The following MON2 variants were observed in gnomAD, a reference collection of about 807,000 sequenced individuals.
MON2 encodes the protein protein MON2 homolog.
Under a neutral mutation model 208.6 loss-of-function variants are expected in MON2, and 84 were observed. The ratio of observed to expected loss-of-function variants is 0.40; its 90% CI spans 0.34 to 0.48. The LOEUF (loss-of-function observed/expected upper bound fraction) is 0.48, where lower values mean the gene tolerates loss of function less well. Among genes scored for constraint, MON2 ranks in the 20% least tolerant of loss-of-function variants. MON2 has a pLI of 0.59. For missense variants in MON2, 1,611 were observed against 2,015.4 expected (o/e 0.80, Z 3.84); for synonymous variants, 660 against 694.0 (o/e 0.95, Z 0.77).
At chr12:62,530,781 A>C (rs1326706409) in intron 11 of MON2, among the ~76,000 whole-genome samples, 2 of 152,070 alleles carry the variant, frequency 1.3e-5, no homozygotes, top group Non-Finnish European at 2.9e-5. Flanking sequence ...TTATATGGTC[A>C]CTCTATGTTT....
chr12:62,577,261 C>T (rs971743305), intron 30 of MON2, among the ~76,000 whole-genome samples: 3 of 152,040 alleles, frequency 2.0e-5, no homozygotes, highest in Non-Finnish European at 2.9e-5. Context: ...CTAGTTCCTA[C>T]TACCAATTTA....
chr12:62,558,689 ATTT>A (rs35839265), intron 25 of MON2, among the ~76,000 whole-genome samples: 2 of 138,050 alleles, frequency 1.4e-5, no homozygotes, highest in Admixed American at 7.3e-5. Context: ...TTATACCTCA[ATTT>A]TTTTTTTTTT....
intron 29 of MON2, among the ~76,000 whole-genome samples, chr12:62,566,739 GGGT>G (rs2074398059): frequency 7.4e-6 from 1 of 134,598 alleles, no homozygotes; most frequent in Admixed American, 7.8e-5. Context: ...GCCTGTTGTG[GGGT>G]GGGGGGAGGG....
chr12:62,537,323 A>G (rs1475713541), intron 15 of MON2, 60 bp downstream of exon 15: 12 of 1,225,672 alleles, frequency 9.8e-6, no homozygotes, highest in South Asian at 5.4e-5. Flanking sequence ...TGTTGTACCT[A>G]TCTTTGTGTT....
intron 22 of MON2, 65 bp downstream of exon 22, chr12:62,547,137 T>G: frequency 9.0e-7 from 1 of 1,115,088 alleles, no homozygotes; most frequent in Non-Finnish European, 1.2e-6. Context: ...AAAATAAAAT[T>G]AACATCAAAA....
At chr12:62,537,500 T>C in intron 15 of MON2, 102 bp from the exon 16 acceptor site, 1 of 900,390 alleles carries the variant, frequency 1.1e-6, no homozygotes. Flanking sequence ...TTCTTAATTT[T>C]TTCTTTAAAA....
chr12:62,538,020 C>A, intron 16 of MON2, 76 bp from the exon 17 acceptor site: 3 of 1,342,626 alleles, frequency 2.2e-6, no homozygotes, highest in Non-Finnish European at 3.1e-6. Flanking sequence ...GAAGTTACTA[C>A]TGATTTTAAT....
chr12:62,573,650 C>T (rs7302094), intron 30 of MON2, among the ~76,000 whole-genome samples: 18,963 of 151,358 alleles, frequency 0.13, 1,519 homozygotes, highest in Middle Eastern at 0.25. Flanking sequence ...AAAATTTTAG[C>T]TCTAAATTTG....
chr12:62,592,626 A>C lies in MON2; in HGVS notation c.5031A>C (p.Pro1677=). 1 of 1,610,426 alleles carries C rather than the reference A, an allele frequency of 6.2e-7. No homozygotes were observed. Among genetic ancestry groups the C allele is most frequent in the Non-Finnish European group, 8.5e-7 (1 of 1,177,270 alleles). Residue 1677 remains proline, a synonymous_variant, in exon 35 of 35, where the codon CCA becomes CCC. Coordinates refer to ENST00000393630, the MANE Select transcript of MON2 (RefSeq NM_015026.3). ...NTWAQVIALY[P]TLVECITCSS... is the part of the protein sequence containing the mutation. ...GGGCACAAGTAATTGCCTTATACCC[A>C]ACTTTAGTAGAATGCATCACCTGTT...
At chr12:62,488,176 A>G (rs775129513) in intron 2 of MON2, among the ~76,000 whole-genome samples, 2 of 152,124 alleles carry the variant, frequency 1.3e-5, no homozygotes, top group Non-Finnish European at 2.9e-5. Context: ...TGTCAACCAG[A>G]TAACAGAAAA....
intron 1 of MON2, among the ~76,000 whole-genome samples, chr12:62,477,431 AT>A (rs2069148854): frequency 6.6e-6 from 1 of 151,570 alleles, no homozygotes; most frequent in Non-Finnish European, 1.5e-5. Flanking sequence ...CTTTATATTT[AT>A]TTATTTATGT....
intron 1 of MON2, 118 bp from the exon 2 acceptor site, chr12:62,484,052 G>A (rs1427748952): frequency 1.4e-6 from 1 of 694,204 alleles, no homozygotes; most frequent in Non-Finnish European, 2.5e-6. Flanking sequence ...AATTAAAAAG[G>A]TGGTAGGGTA....
chr12:62,467,383 T>C (rs1314521417), intron 1 of MON2, 65 bp downstream of exon 1: 9 of 1,300,536 alleles, frequency 6.9e-6, no homozygotes, highest in Non-Finnish European at 1.0e-5. Flanking sequence ...GACTCAGTGC[T>C]TCACCCCAGT....
At chr12:62,516,992 GAGA>G (rs2071733736) in intron 8 of MON2, among the ~76,000 whole-genome samples, 1 of 152,124 alleles carries the variant, frequency 6.6e-6, no homozygotes, top group African/African-American at 2.4e-5. Context: ...TTTTAAAAAG[GAGA>G]AGAACTTTAA....
chr12:62,564,756 T>A (rs1263924891), intron 26 of MON2, among the ~76,000 whole-genome samples: 1 of 152,138 alleles, frequency 6.6e-6, no homozygotes, highest in Non-Finnish European at 1.5e-5. Flanking sequence ...AGAAACAAAT[T>A]TTCGTAGATG....
At chr12:62,522,604 G>A (rs2072107609) in intron 8 of MON2, among the ~76,000 whole-genome samples, 1 of 152,150 alleles carries the variant, frequency 6.6e-6, no homozygotes, top group East Asian at 1.9e-4. Flanking sequence ...CTTCATGTTG[G>A]TATAGTGGAG....
intron 32 of MON2, among the ~76,000 whole-genome samples, chr12:62,583,970 A>C (rs540417895): frequency 3.2e-4 from 48 of 148,738 alleles, no homozygotes; most frequent in African/African-American, 7.0e-4. Context: ...CAAAAAAAAA[A>C]AAAACAAAAA....
At chr12:62,588,295 G>T in intron 34 of MON2, 139 bp downstream of exon 34, 2 of 585,732 alleles carry the variant, frequency 3.4e-6, no homozygotes, top group Non-Finnish European at 6.0e-6. Context: ...TGACAACAAA[G>T]CATCAAGTCC....
At chr12:62,557,772 G>C (rs1416958887) in intron 25 of MON2, among the ~76,000 whole-genome samples, 1 of 150,534 alleles carries the variant, frequency 6.6e-6, no homozygotes, top group African/African-American at 2.4e-5. Context: ...GTTAGGGCTT[G>C]GTATATGTAT....
Sources: gnomAD v4.1 joint callset for allele counts (sites outside exome capture counted in the v4.1 genomes callset) on GRCh38, gnomAD v4.1.1 for gene constraint, MANE v1.5 for transcripts, NCBI Gene and HGNC (gene_info 2026-07-23, HGNC 2026-07-21) for gene names.